Variants in FUT9 observed in about 807,000 individuals in gnomAD.
FUT9 encodes the protein fucosyltransferase 9.
A neutral mutation model predicts 29.7 loss-of-function variants in FUT9; 15 were observed. The ratio of observed to expected loss-of-function variants is 0.51; its 90% CI spans 0.34 to 0.78. The LOEUF is 0.78. Ranked by LOEUF, FUT9 falls within the 30% of genes least tolerant of loss-of-function variation. The probability of loss-of-function intolerance (pLI) is 0.01; values close to 1 mark genes in which losing one functional copy is unlikely to be tolerated. For missense variants in FUT9, 319 were observed against 425.4 expected (o/e 0.75, Z 2.20); for synonymous variants, 169 against 153.7 (o/e 1.10, Z -0.74).
At chr6:96,104,978 G>A (rs1373612563) in intron 1 of FUT9, among the ~76,000 whole-genome samples, 3 of 152,106 alleles carry the variant, frequency 2.0e-5, no homozygotes, top group African/African-American at 2.4e-5. Context: ...GAGTCATCTC[G>A]AGGCTTCGTA....
At chr6:96,159,339 T>C (rs554986945) in intron 2 of FUT9, among the ~76,000 whole-genome samples, 3 of 151,704 alleles carry the variant, frequency 2.0e-5, no homozygotes, top group East Asian at 2.0e-4. Context: ...CTCTGAATGA[T>C]GATATACTAT....
intron 2 of FUT9, among the ~76,000 whole-genome samples, chr6:96,118,999 CTCAAAGACTTAAAAAATATTTTT>C (rs1213225709): frequency 6.6e-6 from 1 of 152,066 alleles, no homozygotes; most frequent in African/African-American, 2.4e-5. Flanking sequence ...TATGAAAAAA[CTCAAAGACTTAAAAAATATTTTT>C]TAAGTCTATA....
intron 1 of FUT9, among the ~76,000 whole-genome samples, chr6:96,046,982 A>G (rs9390800): frequency 0.023 from 3,456 of 152,234 alleles, 66 homozygotes; most frequent in East Asian, 0.092. Flanking sequence ...GTGACTAGAA[A>G]ACTTTATCTC....
chr6:96,148,801 G>A lies in FUT9; in HGVS notation c.-9+34674G>A, dbSNP rs115736394. Among the ~76,000 whole-genome samples, 1,438 of 152,208 alleles carry A rather than the reference G, an allele frequency of 9.4e-3. 23 individuals carry two copies. Among genetic ancestry groups the A allele is most frequent in the African/African-American group, 0.033 (1,381 of 41,522 alleles). Reference sequence around the variant, plus strand: ...AGTCTGTACATGCGCAGAAATCCCAGCAAAATGTTCTCTAACTAGTCTTAT... The same window carrying A: ...AGTCTGTACATGCGCAGAAATCCCAACAAAATGTTCTCTAACTAGTCTTAT... On this transcript the variant is annotated intron_variant, in intron 2 of 2. Coordinates refer to ENST00000302103, the MANE Select transcript of FUT9 (RefSeq NM_006581.4).
intron 2 of FUT9, among the ~76,000 whole-genome samples, chr6:96,174,801 A>G (rs562405621): frequency 1.3e-4 from 20 of 152,310 alleles, no homozygotes; most frequent in African/African-American, 4.6e-4. Context: ...AGTAAATAAT[A>G]GTAAACTCAA....
intron 1 of FUT9, among the ~76,000 whole-genome samples, chr6:96,024,423 C>A (rs1012623798): frequency 1.3e-5 from 2 of 151,778 alleles, no homozygotes; most frequent in Non-Finnish European, 2.9e-5. Flanking sequence ...ATTGCAGTGG[C>A]TCATGGCATA....
intron 2 of FUT9, among the ~76,000 whole-genome samples, chr6:96,159,065 T>A (rs1388054565): frequency 6.6e-6 from 1 of 152,218 alleles, no homozygotes; most frequent in African/African-American, 2.4e-5. Flanking sequence ...TTTCTAATAA[T>A]GCTTCTTCTA....
intron 2 of FUT9, among the ~76,000 whole-genome samples, chr6:96,185,328 G>A (rs1292915777): frequency 6.6e-6 from 1 of 152,030 alleles, no homozygotes; most frequent in Non-Finnish European, 1.5e-5. Flanking sequence ...GAGAGGGAAT[G>A]AGATTTAATA....
intron 1 of FUT9, among the ~76,000 whole-genome samples, chr6:96,097,388 C>T (rs1327295217): frequency 6.6e-6 from 1 of 152,094 alleles, no homozygotes; most frequent in East Asian, 1.9e-4. Flanking sequence ...ATTGGCCTTA[C>T]TGAGAATATT....
intron 1 of FUT9, among the ~76,000 whole-genome samples, chr6:96,104,746 G>A (rs1771647204): frequency 6.6e-6 from 1 of 151,998 alleles, no homozygotes; most frequent in African/African-American, 2.4e-5. Flanking sequence ...TGCCCAGGCT[G>A]ATCTTGAATT....
At chr6:96,120,457 T>A (rs1005421945) in intron 2 of FUT9, among the ~76,000 whole-genome samples, 4 of 150,492 alleles carry the variant, frequency 2.7e-5, no homozygotes, top group African/African-American at 4.9e-5. Context: ...AATTTTTTTT[T>A]TAATTTTAGT....
At chr6:96,057,172 A>C (rs1481226468) in intron 1 of FUT9, among the ~76,000 whole-genome samples, 1 of 152,226 alleles carries the variant, frequency 6.6e-6, no homozygotes, top group Non-Finnish European at 1.5e-5. Context: ...ATTAAGGGAC[A>C]TCTGTATGTA....
At chr6:96,033,724 G>T (rs1378086657) in intron 1 of FUT9, among the ~76,000 whole-genome samples, 1 of 151,538 alleles carries the variant, frequency 6.6e-6, no homozygotes, top group Non-Finnish European at 1.5e-5. Context: ...TCATAAATTT[G>T]TCTTCTGATA....
chr6:96,131,984 G>T (rs1022325799), intron 2 of FUT9, among the ~76,000 whole-genome samples: 3 of 152,030 alleles, frequency 2.0e-5, no homozygotes, highest in Non-Finnish European at 4.4e-5. Flanking sequence ...ATATGAACGA[G>T]TCTCAGAGAA....
chr6:96,185,491 T>C (rs1361113480), intron 2 of FUT9, among the ~76,000 whole-genome samples: 2 of 151,806 alleles, frequency 1.3e-5, no homozygotes, highest in Non-Finnish European at 2.9e-5. Context: ...AGAGGAGCAA[T>C]GTGTGGGAAG....
chr6:96,172,084 C>T (rs539306152), intron 2 of FUT9, among the ~76,000 whole-genome samples: 2 of 152,190 alleles, frequency 1.3e-5, no homozygotes, highest in East Asian at 1.9e-4. Flanking sequence ...TGAGCTTGTT[C>T]AGGTTCTGGT....
At position 96,047,092 on chromosome 6, in the gene FUT9, T is replaced by A. The variant is rs191696998; in HGVS notation, c.-98+30880T>A. On this transcript the variant is annotated intron_variant, in intron 1 of 2. Coordinates refer to ENST00000302103, the MANE Select transcript of FUT9 (RefSeq NM_006581.4). ...TAAACAGAGCAGAACCCAAGTTTTATATGACCTGAAGCTCATATGGTTTGG... is the reference window on the plus strand; with the variant it reads ...TAAACAGAGCAGAACCCAAGTTTTAAATGACCTGAAGCTCATATGGTTTGG... Among the ~76,000 whole-genome samples the A allele has an allele frequency of 6.6e-5, 10 of 152,352 alleles. No individual in the cohort carries two copies. In the East Asian group the frequency reaches 1.2e-3, roughly 18 times the overall value.
In FUT9 at chr6:96,113,785, C is replaced by T. The variant is rs575729079; in HGVS notation, c.-97-254C>T. On this transcript the variant is annotated intron_variant, in intron 1 of 2. Transcript: ENST00000302103. ...CGGAGAATGTCGTGAACCAGGGAGG[C>T]GGTGCTTGCAGTAAGCCGAGATCAT... Among the ~76,000 whole-genome samples the T allele has an allele frequency of 9.4e-5, 14 of 148,798 alleles. No individual in the cohort carries two copies. In the South Asian group the frequency reaches 1.9e-3, roughly 21 times the overall value.
At chr6:96,032,014 T>A (rs1260183933) in intron 1 of FUT9, among the ~76,000 whole-genome samples, 1 of 151,630 alleles carries the variant, frequency 6.6e-6, no homozygotes, top group Non-Finnish European at 1.5e-5. Context: ...TTGAGACCTG[T>A]GTACCAAGAC....
Sources: gnomAD v4.1 joint callset for allele counts (sites outside exome capture counted in the v4.1 genomes callset) on GRCh38, gnomAD v4.1.1 for gene constraint, MANE v1.5 for transcripts, NCBI Gene and HGNC (gene_info 2026-07-23, HGNC 2026-07-21) for gene names.